Variants in JMJD1C observed in about 807,000 individuals in gnomAD.
JMJD1C encodes jumonji domain containing 1C, also known as jumonji domain-containing protein 1C.
JMJD1C carries 31 observed loss-of-function variants against 245.3 expected under a neutral mutation model. The ratio of observed to expected loss-of-function variants is 0.13; its 90% CI spans 0.09 to 0.17. The LOEUF is 0.17. JMJD1C is among the 10% of genes least tolerant of loss of function. The probability of loss-of-function intolerance (pLI) is 1.00; values close to 1 mark genes in which losing one functional copy is unlikely to be tolerated. For synonymous variants in JMJD1C, 1,057 were observed against 1,017.4 expected, an observed-to-expected ratio of 1.04 and a Z score of -0.74; for missense variants, 2,691 against 3,000.2, an observed-to-expected ratio of 0.90 and a Z score of 2.41.
rs201998608 is a variant in JMJD1C, at chr10:63,248,537, A to G, written c.447+16114T>C. On this transcript the variant is annotated intron_variant, in intron 3 of 25. Coordinates refer to ENST00000399262, the MANE Select transcript of JMJD1C (RefSeq NM_032776.3). ...CCTCATCTCAATAGATAGATAAATA[A>G]ATAAATAAATAAATAAATAAATAAA... Among the ~76,000 whole-genome samples the G allele has an allele frequency of 0.01, 288 of 28,110 alleles. 2 individuals carry two copies. In the South Asian group the frequency reaches 0.12, roughly 11 times the overall value. 18.4% of individuals were successfully genotyped at this position (28,110 alleles called of 152,430 possible).
chr10:63,352,238 G>C (rs1479290023), intron 2 of JMJD1C, among the ~76,000 whole-genome samples: 1 of 152,072 alleles, frequency 6.6e-6, no homozygotes, highest in Non-Finnish European at 1.5e-5. Context: ...AAGTAAAATT[G>C]AAAAAGAACT....
intron 1 of JMJD1C, among the ~76,000 whole-genome samples, chr10:63,398,082 T>C (rs1422270794): frequency 6.6e-6 from 1 of 152,208 alleles, no homozygotes; most frequent in African/African-American, 2.4e-5. Flanking sequence ...AACCTTGTGT[T>C]AACTGAAAGA....
intron 2 of JMJD1C, among the ~76,000 whole-genome samples, chr10:63,280,652 T>C (rs551738611): frequency 6.6e-6 from 1 of 152,320 alleles, no homozygotes; most frequent in African/African-American, 2.4e-5. Flanking sequence ...AAGATTCTTT[T>C]CAATTCTAAG....
intron 1 of JMJD1C, among the ~76,000 whole-genome samples, chr10:63,464,714 TAATC>T (rs1054853762): frequency 4.0e-5 from 6 of 150,996 alleles, no homozygotes; most frequent in African/African-American, 1.5e-4. Flanking sequence ...AAAAAAAAGA[TAATC>T]AATTCTGCAT....
intron 1 of JMJD1C, among the ~76,000 whole-genome samples, chr10:63,507,845 T>C (rs1020016923): frequency 4.6e-5 from 7 of 152,166 alleles, no homozygotes; most frequent in African/African-American, 1.4e-4. Flanking sequence ...TCTTTTCACG[T>C]GTTTACCTGC....
intron 2 of JMJD1C, among the ~76,000 whole-genome samples, chr10:63,376,337 A>C (rs1946740413): frequency 6.6e-6 from 1 of 152,222 alleles, no homozygotes; most frequent in South Asian, 2.1e-4. Context: ...AGAAAACATA[A>C]GGGGAAAAGC....
At chr10:63,503,930 A>G (rs1265207213) in intron 1 of JMJD1C, among the ~76,000 whole-genome samples, 1 of 152,112 alleles carries the variant, frequency 6.6e-6, no homozygotes, top group Non-Finnish European at 1.5e-5. Flanking sequence ...ATCTCCAACC[A>G]CCAGGGTCCA....
intron 1 of JMJD1C, among the ~76,000 whole-genome samples, chr10:63,450,303 T>A (rs2133008796): frequency 6.6e-6 from 1 of 152,016 alleles, no homozygotes; most frequent in Non-Finnish European, 1.5e-5. Flanking sequence ...AGGAGGATCA[T>A]TTGAGGCCAG....
chr10:63,169,159 C>T (rs776363936), intron 24 of JMJD1C, among the ~76,000 whole-genome samples: 6 of 152,300 alleles, frequency 3.9e-5, no homozygotes, highest in Non-Finnish European at 7.4e-5. Flanking sequence ...ATTAAAGATA[C>T]CCCTTCAATC....
At position 63,380,485 on chromosome 10, in the gene JMJD1C, A is replaced by G; in HGVS notation, c.169-3T>C. Reference sequence around the variant, plus strand: ...AGATCATCAAATTCCACATACACCTATGAAAACAAAAACACAAAATTCAAT... The same window carrying G: ...AGATCATCAAATTCCACATACACCTGTGAAAACAAAAACACAAAATTCAAT... On this transcript the variant is annotated splice_region_variant and splice_polypyrimidine_tract_variant and intron_variant, in intron 1 of 25. Coordinates refer to ENST00000399262, the MANE Select transcript of JMJD1C (RefSeq NM_032776.3). 1 of 1,600,320 alleles carries G rather than the reference A, an allele frequency of 6.2e-7. No homozygotes were observed. Among genetic ancestry groups the G allele is most frequent in the Non-Finnish European group, 8.5e-7 (1 of 1,174,932 alleles).
At chr10:63,428,635 G>A (rs919349186) in intron 1 of JMJD1C, among the ~76,000 whole-genome samples, 5 of 152,064 alleles carry the variant, frequency 3.3e-5, no homozygotes, top group South Asian at 2.1e-4. Flanking sequence ...ACTATTGATC[G>A]TGATTACCTC....
chr10:63,367,876 G>A (rs1945985324), intron 2 of JMJD1C, among the ~76,000 whole-genome samples: 1 of 152,188 alleles, frequency 6.6e-6, no homozygotes, highest in Non-Finnish European at 1.5e-5. Flanking sequence ...ATGTCTGAAT[G>A]TACTTTATGT....
rs571486540 is a variant in JMJD1C, at chr10:63,188,738, T to C, written c.6570+430A>G. Among the ~76,000 whole-genome samples, 8 of 152,316 alleles carry C rather than the reference T, an allele frequency of 5.3e-5. No individual in the cohort carries two copies. The East Asian group carries it at 1.2e-3, about 22-fold the overall frequency. Reference sequence around the variant, plus strand: ...ATTCAAGATTTGATGAACTAATTTGTAAGTAAATGTTCTGTGTATAAATAT... The same window carrying C: ...ATTCAAGATTTGATGAACTAATTTGCAAGTAAATGTTCTGTGTATAAATAT... On this transcript the variant is annotated intron_variant, in intron 18 of 25. Coordinates refer to ENST00000399262, the MANE Select transcript of JMJD1C (RefSeq NM_032776.3).
intron 1 of JMJD1C, among the ~76,000 whole-genome samples, chr10:63,461,425 A>AT (rs1348618027): frequency 1.3e-5 from 2 of 152,358 alleles, no homozygotes; most frequent in Admixed American, 1.3e-4. Context: ...AGGAAATGTA[A>AT]TGCTACCAAC....
At chr10:63,273,196 G>A (rs1011144081) in intron 2 of JMJD1C, among the ~76,000 whole-genome samples, 1 of 152,146 alleles carries the variant, frequency 6.6e-6, no homozygotes, top group African/African-American at 2.4e-5. Flanking sequence ...AAATGGGCTT[G>A]ACATACATAT....
chr10:63,321,371 GTCA>G, intron 2 of JMJD1C, among the ~76,000 whole-genome samples: 1 of 152,328 alleles, frequency 6.6e-6, no homozygotes, highest in South Asian at 2.1e-4. Flanking sequence ...ACTTGCGATT[GTCA>G]TCTGAAGTGG....
chr10:63,215,804 C>T (rs1847911536), intron 5 of JMJD1C, 108 bp from the exon 6 acceptor site: 2 of 718,198 alleles, frequency 2.8e-6, no homozygotes, highest in Admixed American at 7.1e-5. Context: ...GCTTGGGATC[C>T]CTAATTTATA....
chr10:63,224,233 TCTC>T (rs1196868592), intron 3 of JMJD1C, among the ~76,000 whole-genome samples: 1 of 152,216 alleles, frequency 6.6e-6, no homozygotes, highest in East Asian at 1.9e-4. Context: ...GGTCTCTCAA[TCTC>T]CTCATCTATA....
rs556667289 is a variant in JMJD1C, at chr10:63,222,858, C to G, written c.448-2875G>C. ...GGAGTCAAAAGTACACATGCTGGAT[C>G]AAAATATATAAAAACTGCATTTCCT... is the stretch of plus-strand genomic sequence containing the variant. On this transcript the variant is annotated intron_variant, in intron 3 of 25. Coordinates refer to ENST00000399262, the MANE Select transcript of JMJD1C (RefSeq NM_032776.3). 2,999 of 1,450,266 alleles carry G rather than the reference C, an allele frequency of 2.1e-3. 7 individuals carry two copies. The highest frequency in any genetic ancestry group is 4.6e-3 in the Middle Eastern group (19 of 4,152). The allele number at this position is 1,450,266 out of a possible 1,614,324, so 89.8% of individuals were successfully genotyped here.
Sources: allele counts gnomAD v4.1 joint callset (sites outside exome capture counted in the v4.1 genomes callset), GRCh38; gene constraint gnomAD v4.1.1; transcripts MANE v1.5; gene names NCBI Gene and HGNC (gene_info 2026-07-23, HGNC 2026-07-21).